Variants in MIB1 observed in about 807,000 individuals in gnomAD.
MIB1 encodes the protein E3 ubiquitin-protein ligase MIB1.
Under a neutral mutation model 124.5 loss-of-function variants are expected in MIB1, and 278 were observed. That is an observed-to-expected ratio of 2.23 (90% CI 2.02 to 2.47). The LOEUF is 2.47. MIB1 is among the 30% of genes most tolerant of loss of function. The pLI, the probability that MIB1 is intolerant of heterozygous loss-of-function variation, is 0.00. For synonymous variants in MIB1, 446 were observed against 429.4 expected, an observed-to-expected ratio of 1.04 and a Z score of -0.48; for missense variants, 957 against 1,254.4, an observed-to-expected ratio of 0.76 and a Z score of 3.58.
intron 1 of MIB1, among the ~76,000 whole-genome samples, chr18:21,749,363 A>C (rs2040947715): frequency 6.6e-6 from 1 of 152,164 alleles, no homozygotes; most frequent in African/African-American, 2.4e-5. Context: ...TAATAGTTAA[A>C]AAATATATTA....
chr18:21,815,260 C>T (rs1389543760), intron 10 of MIB1, among the ~76,000 whole-genome samples: 1 of 151,560 alleles, frequency 6.6e-6, no homozygotes, highest in Non-Finnish European at 1.5e-5. Context: ...CTTGAAACTC[C>T]TTGGCTCAAG....
chr18:21,781,464 G>C (rs1407210023), intron 6 of MIB1, among the ~76,000 whole-genome samples: 1 of 143,914 alleles, frequency 6.9e-6, no homozygotes, highest in Non-Finnish European at 1.5e-5. Context: ...TGTCACCCAG[G>C]CTGGAGTGGC....
intron 1 of MIB1, among the ~76,000 whole-genome samples, chr18:21,749,641 C>CTTTTTTTTTTT (rs10653364): frequency 1.7e-5 from 2 of 114,580 alleles, no homozygotes; most frequent in Admixed American, 8.9e-5. Context: ...CTACCTTACT[C>CTTTTTTTTTTT]TTTTTTTTTT....
rs770127974 is a variant in MIB1 at position 21,779,583 on chromosome 18, GA to G, written c.807del (p.Gly270AspfsTer10). 5 of 1,613,942 alleles carry G rather than the reference GA, an allele frequency of 3.1e-6. No individual in the cohort carries two copies. The highest frequency in any genetic ancestry group is 4.2e-6 in the Non-Finnish European group (5 of 1,179,948). On this transcript the variant is annotated frameshift_variant, in exon 6 of 21. Transcript: ENST00000261537. LOFTEE classifies it high-confidence loss of function. ...EIVQSLQHGH[G>X]GWTDGMFETL... The stretch of plus-strand genomic sequence containing the variant: ...GTACAGTCTTTGCAGCATGGTCATG[GA>G]GGATGGACTGATGGAATGTTTGAGA...
At chr18:21,740,580 A>G (rs1025660496), upstream of MIB1, among the ~76,000 whole-genome samples, 1 of 152,240 alleles carries the variant, frequency 6.6e-6, no homozygotes, top group African/African-American at 2.4e-5. Context: ...TCACAGCCGC[A>G]CAGCTCCAGC....
intron 1 of MIB1, among the ~76,000 whole-genome samples, chr18:21,761,809 A>G (rs1229456123): frequency 6.6e-6 from 1 of 152,208 alleles, no homozygotes; most frequent in Non-Finnish European, 1.5e-5. Flanking sequence ...AGAAAACATA[A>G]AAGTGCTAGG....
intron 10 of MIB1, among the ~76,000 whole-genome samples, chr18:21,814,155 A>C (rs2041804103): frequency 6.6e-6 from 1 of 152,168 alleles, no homozygotes; most frequent in Non-Finnish European, 1.5e-5. Context: ...TGCCTGTTAC[A>C]GGAGGTGAGG....
At chr18:21,729,778 C>T (rs1390764407) in intron 1 of MIB1, among the ~76,000 whole-genome samples, 1 of 152,150 alleles carries the variant, frequency 6.6e-6, no homozygotes, top group Non-Finnish European at 1.5e-5. Flanking sequence ...GAGTGAGCCA[C>T]TGCACCCAGC....
chr18:21,815,715 A>G lies in MIB1; in HGVS notation c.1579A>G (p.Asn527Asp). ...AGGTAGTGCTGATTTGAATGCTCGA[A>G]ACAAGCGCCGACAGACACCACTTCA... ...HRGSADLNAR[N>D]KRRQTPLHIA... is the part of the protein sequence containing the mutation. The change falls in exon 11 of 21, where the codon AAC becomes GAC. Residue 527 changes from asparagine to aspartate, a missense_variant. Physicochemically the swap from Asn to Asp is conservative, Grantham distance 23 (BLOSUM62 1). Coordinates refer to ENST00000261537, the MANE Select transcript of MIB1 (RefSeq NM_020774.4). The G allele has an allele frequency of 6.2e-7, 1 of 1,614,186 alleles. No homozygotes were observed.
chr18:21,725,126 C>A (rs1477760620), intron 1 of MIB1, among the ~76,000 whole-genome samples: 1 of 146,946 alleles, frequency 6.8e-6, no homozygotes, highest in African/African-American at 2.5e-5. Context: ...AGACGAATGT[C>A]ATAAATTATT....
rs2040712847 is a variant in MIB1 at position 21,721,159 on chromosome 18, G to GTTTGT, written n.167+16039_167+16040insGTTTT. Among the ~76,000 whole-genome samples, 5 of 29,764 alleles carry GTTTGT rather than the reference G, an allele frequency of 1.7e-4. 1 individual carries two copies. Among genetic ancestry groups the GTTTGT allele is most frequent in the East Asian group, 9.6e-4 (1 of 1,042 alleles). 19.5% of individuals were successfully genotyped at this position (29,764 alleles called of 152,430 possible). A position where few individuals can be genotyped will look rare whatever the true frequency, so the allele number is the denominator to read the frequency against. ...TGAAAGATTTAAACATTTTAAAGAA[G>GTTTGT]TTTTTTTTTTTTTTTTTTTTTTTTT... On this transcript the variant is annotated intron_variant and non_coding_transcript_variant, in intron 1 of 20. Coordinates refer to the MIB1 transcript ENST00000578646.
chr18:21,781,466 T>A (rs370204168), intron 6 of MIB1, among the ~76,000 whole-genome samples: 16 of 147,916 alleles, frequency 1.1e-4, no homozygotes, highest in African/African-American at 4.0e-4. Context: ...TCACCCAGGC[T>A]GGAGTGGCAC....
rs1568199004 is a variant in MIB1 at position 21,781,387 on chromosome 18, AT to A, written c.908+1703del. On this transcript the variant is annotated intron_variant, in intron 6 of 20. Coordinates refer to ENST00000261537, the MANE Select transcript of MIB1 (RefSeq NM_020774.4). ...AAGTTATATATATATATATATATAT[AT>A]ATATATATATATATATATATATATA... Among the ~76,000 whole-genome samples, 15 of 65,022 alleles carry A rather than the reference AT, an allele frequency of 2.3e-4. 1 individual carries two copies. The highest frequency in any genetic ancestry group is 1.6e-3 in the East Asian group (2 of 1,278). The allele number at this position is 65,022 out of a possible 152,430, so 42.7% of individuals were successfully genotyped here. A position where few individuals can be genotyped will look rare whatever the true frequency, so the allele number is the denominator to read the frequency against.
Position 21,844,094 on chromosome 18 carries a change from T to C in MIB1, c.2052T>C (p.Leu684=). ...VERQHTQIVR[L]LVRAGAKLDI... ...AATGAGACATCTTTCTCTTTTAGCT[T>C]TTGGTCCGTGCAGGTGCCAAGCTTG... Residue 684 remains leucine (L), a splice_region_variant and synonymous_variant, in exon 15 of 21, where the codon CTT becomes CTC. Coordinates refer to ENST00000261537, the MANE Select transcript of MIB1 (RefSeq NM_020774.4). 6.2e-7 allele frequency: 1 copy of C among 1,613,642 alleles called. No individual in the cohort carries two copies. The highest frequency in any genetic ancestry group is 1.3e-5 in the African/African-American group (1 of 75,004).
intron 1 of MIB1, among the ~76,000 whole-genome samples, chr18:21,709,312 T>C (rs1383390457): frequency 5.9e-5 from 3 of 50,456 alleles, no homozygotes; most frequent in Non-Finnish European, 1.0e-4. Flanking sequence ...AGCGAGACTG[T>C]CTCAAAAAAA....
intron 12 of MIB1, among the ~76,000 whole-genome samples, chr18:21,835,988 C>T (rs931696134): frequency 6.6e-6 from 1 of 151,776 alleles, no homozygotes; most frequent in African/African-American, 2.4e-5. Flanking sequence ...GTGGGTCATG[C>T]TTGTAATCCC....
chr18:21,815,212 C>T (rs543263919), intron 10 of MIB1, among the ~76,000 whole-genome samples: 12 of 151,216 alleles, frequency 7.9e-5, no homozygotes, highest in South Asian at 6.3e-4. Flanking sequence ...TCTGTTGCCC[C>T]GGTCAGAGTG....
At position 21,778,218 on chromosome 18, in the gene MIB1, TG is replaced by T. The variant is rs548927994; in HGVS notation, c.703+51del. On this transcript the variant is annotated intron_variant, in intron 5 of 20. Coordinates refer to ENST00000261537, the MANE Select transcript of MIB1 (RefSeq NM_020774.4). ...TTACTAAATAATGGGTCAGAGTTCG[TG>T]GAATCAGTAAAATGCTTAAATTGGA... The T allele has an allele frequency of 4.7e-5, 60 of 1,275,562 alleles. 1 individual carries two copies. The African/African-American group carries it at 8.4e-4, about 18-fold the overall frequency. The allele number at this position is 1,275,562 out of a possible 1,614,324, so 79.0% of individuals were successfully genotyped here. A position where few individuals can be genotyped will look rare whatever the true frequency, so the allele number is the denominator to read the frequency against.
chr18:21,842,969 C>CT (rs1163891765), intron 13 of MIB1, among the ~76,000 whole-genome samples, 162 bp from the exon 14 acceptor site: 1 of 152,108 alleles, frequency 6.6e-6, no homozygotes, highest in East Asian at 1.9e-4. Flanking sequence ...TTTTTTTCTA[C>CT]TTTAACAGCA....
Sources: gnomAD v4.1 joint callset for allele counts (sites outside exome capture counted in the v4.1 genomes callset) on GRCh38, gnomAD v4.1.1 for gene constraint, MANE v1.5 for transcripts, NCBI Gene and HGNC (gene_info 2026-07-23, HGNC 2026-07-21) for gene names.